Variants in WIPF1 observed in about 807,000 individuals in gnomAD.
WIPF1 encodes WAS/WASL-interacting protein family member 1.
A neutral mutation model predicts 35.4 loss-of-function variants in WIPF1; 13 were observed. That is an observed-to-expected ratio of 0.37 (90% CI 0.24 to 0.58). The LOEUF (loss-of-function observed/expected upper bound fraction) is 0.58, where lower values mean the gene tolerates loss of function less well. Ranked by LOEUF, WIPF1 falls within the 20% of genes least tolerant of loss-of-function variation. The pLI, the probability that WIPF1 is intolerant of heterozygous loss-of-function variation, is 0.74. For missense variants in WIPF1, 591 were observed against 667.0 expected (o/e 0.89, Z 1.25); for synonymous variants, 267 against 266.3 (o/e 1.00, Z -0.02).
Position 174,564,668 on chromosome 2 carries a change from G to T in WIPF1, c.1457-2066C>A, listed in dbSNP as rs1013186091. Among the ~76,000 whole-genome samples the T allele has an allele frequency of 6.6e-5, 10 of 152,032 alleles. No homozygotes were observed. In the East Asian group the frequency reaches 1.5e-3, roughly 23 times the overall value. On this transcript the variant is annotated intron_variant, in intron 7 of 7. Transcript: ENST00000679041. ...ATGGTCTATTACCAATTTAAAAATAGAAATAATATTTAGAATAAGAAGCAA... is the reference window on the plus strand; with the variant it reads ...ATGGTCTATTACCAATTTAAAAATATAAATAATATTTAGAATAAGAAGCAA...
At chr2:174,636,925 T>C (rs972051040) in intron 1 of WIPF1, among the ~76,000 whole-genome samples, 35 of 152,182 alleles carry the variant, frequency 2.3e-4, no homozygotes, top group African/African-American at 8.0e-4. Flanking sequence ...TGCATGTCAG[T>C]TTTCTCCACT....
At chr2:174,661,834 G>A (rs1687767132) in intron 1 of WIPF1, among the ~76,000 whole-genome samples, 1 of 152,178 alleles carries the variant, frequency 6.6e-6, no homozygotes, top group African/African-American at 2.4e-5. Flanking sequence ...TTGGAGAGCT[G>A]GGTTCAACTC....
chr2:174,672,114 T>C (rs971969838), intron 1 of WIPF1, among the ~76,000 whole-genome samples: 3 of 152,208 alleles, frequency 2.0e-5, no homozygotes, highest in African/African-American at 7.2e-5. Context: ...TCTTTCCCTT[T>C]ATTTCTCAGA....
chr2:174,678,079 G>A lies in WIPF1; in HGVS notation c.-39+4695C>T, dbSNP rs548727106. On this transcript the variant is annotated intron_variant, in intron 1 of 8. Transcript: ENST00000272746. The stretch of plus-strand genomic sequence containing the variant: ...CAGTAAGTGATAATGTTACAGAAAG[G>A]GAAAGAGGGAGAGAGAATAAAAGGA... 1.3e-5 allele frequency among the ~76,000 whole-genome samples: 2 copies of A among 151,960 alleles called. 1 individual carries two copies. The highest frequency in any genetic ancestry group is 2.9e-5 in the Non-Finnish European group (2 of 68,016).
intron 1 of WIPF1, among the ~76,000 whole-genome samples, chr2:174,677,726 A>G (rs571115814): frequency 6.6e-6 from 1 of 152,364 alleles, no homozygotes; most frequent in Non-Finnish European, 1.5e-5. Context: ...ATGATGATCA[A>G]TCTGAAGATT....
chr2:174,627,889 C>T (rs1333917157), intron 1 of WIPF1, among the ~76,000 whole-genome samples: 4 of 152,100 alleles, frequency 2.6e-5, no homozygotes, highest in Non-Finnish European at 5.9e-5. Context: ...TGTATTACAT[C>T]TCATTTTTTA....
intron 1 of WIPF1, among the ~76,000 whole-genome samples, chr2:174,606,818 A>G (rs1189259403): frequency 6.6e-6 from 1 of 152,164 alleles, no homozygotes; most frequent in Non-Finnish European, 1.5e-5. Flanking sequence ...GTTTTAAATT[A>G]AGGGCTCAGA....
intron 1 of WIPF1, among the ~76,000 whole-genome samples, chr2:174,612,465 A>G (rs1686377711): frequency 2.0e-5 from 3 of 152,194 alleles, no homozygotes; most frequent in African/African-American, 7.2e-5. Flanking sequence ...ATCCAATTTC[A>G]TTATTACAAA....
chr2:174,634,377 C>G (rs957892182), intron 1 of WIPF1: 4 of 152,242 alleles, frequency 2.6e-5, no homozygotes, highest in African/African-American at 9.6e-5. Flanking sequence ...GTGCAGTTAA[C>G]AGCTGTGCGC....
At chr2:174,640,756 C>A (rs1215824646) in intron 1 of WIPF1, among the ~76,000 whole-genome samples, 1 of 151,754 alleles carries the variant, frequency 6.6e-6, no homozygotes, top group Non-Finnish European at 1.5e-5. Flanking sequence ...TGCTATCCCT[C>A]CCCGCTTTAA....
chr2:174,589,746 C>T (rs1164051579), intron 1 of WIPF1, among the ~76,000 whole-genome samples: 3 of 6,172 alleles, frequency 4.9e-4, no homozygotes, highest in Non-Finnish European at 0.022. Flanking sequence ...ATAGTTTTCA[C>T]GTGATATTTC....
chr2:174,617,875 C>T (rs1316414743), intron 1 of WIPF1, among the ~76,000 whole-genome samples: 1 of 152,188 alleles, frequency 6.6e-6, no homozygotes, highest in African/African-American at 2.4e-5. Context: ...GCAATGTGAC[C>T]TGATGCAGAG....
intron 3 of WIPF1, among the ~76,000 whole-genome samples, chr2:174,578,038 A>G (rs1444251195): frequency 1.3e-5 from 2 of 152,172 alleles, no homozygotes; most frequent in Non-Finnish European, 2.9e-5. Flanking sequence ...GTGGTCCATA[A>G]TAGGGTTTCT....
intron 1 of WIPF1, among the ~76,000 whole-genome samples, chr2:174,659,531 G>A (rs1471118477): frequency 6.6e-6 from 1 of 152,220 alleles, no homozygotes; most frequent in Non-Finnish European, 1.5e-5. Context: ...CAAGTTCCAT[G>A]TTGGTGGCTT....
upstream of WIPF1, among the ~76,000 whole-genome samples, chr2:174,601,786 A>C (rs1686016577): frequency 6.6e-6 from 1 of 152,252 alleles, no homozygotes; most frequent in South Asian, 2.1e-4. Flanking sequence ...CCACTTACAG[A>C]GGAAGAAACA....
At chr2:174,647,609 T>G (rs2105956495) in intron 1 of WIPF1, among the ~76,000 whole-genome samples, 1 of 149,146 alleles carries the variant, frequency 6.7e-6, no homozygotes, top group South Asian at 2.1e-4. Flanking sequence ...CCTGACCTCG[T>G]GATCCGTGCC....
intron 1 of WIPF1, chr2:174,682,766 T>C (rs1559182199): frequency 2.0e-5 from 3 of 151,256 alleles, no homozygotes; most frequent in Admixed American, 6.6e-5. Context: ...AGGCGACGCG[T>C]CCCTTACCGC....
intron 4 of WIPF1, chr2:174,574,862 A>C (rs1443910667): frequency 1.4e-6 from 1 of 717,278 alleles, no homozygotes; most frequent in South Asian, 1.5e-5. Context: ...AAGAAAGCTG[A>C]ATCTGTCAGG....
intron 1 of WIPF1, among the ~76,000 whole-genome samples, chr2:174,661,518 C>T (rs10184302): frequency 0.017 from 2,638 of 152,214 alleles, 87 homozygotes; most frequent in African/African-American, 0.06. Flanking sequence ...GTCTCCTTGT[C>T]ATTCACATCT....
Sources: allele counts gnomAD v4.1 joint callset (sites outside exome capture counted in the v4.1 genomes callset), GRCh38; gene constraint gnomAD v4.1.1; transcripts MANE v1.5; gene names NCBI Gene and HGNC (gene_info 2026-07-23, HGNC 2026-07-21).